SLC35F2: variants seen among roughly 807,000 people sequenced by gnomAD.
SLC35F2 encodes solute carrier family 35 member F2.
A neutral mutation model predicts 38.1 loss-of-function variants in SLC35F2; 25 were observed. The ratio of observed to expected loss-of-function variants is 0.66; its 90% CI spans 0.48 to 0.92. SLC35F2 has a LOEUF of 0.92. Ranked by LOEUF, SLC35F2 falls within the 40% of genes least tolerant of loss-of-function variation. The pLI is 0.00. For synonymous variants in SLC35F2, 173 were observed against 181.7 expected (o/e 0.95, Z 0.38); for missense variants, 409 against 452.9 (o/e 0.90, Z 0.88).
chr11:107,797,519 C>A (rs971892720), intron 7 of SLC35F2, among the ~76,000 whole-genome samples: 11 of 151,684 alleles, frequency 7.3e-5, no homozygotes, highest in African/African-American at 2.7e-4. Context: ...GAGACCCTAT[C>A]GCTAAAAAGA....
chr11:107,844,097 G>C (rs1458768147), intron 1 of SLC35F2, among the ~76,000 whole-genome samples: 1 of 151,730 alleles, frequency 6.6e-6, no homozygotes, highest in Non-Finnish European at 1.5e-5. Context: ...ACAGGCCTAG[G>C]GATAGACTGC....
chr11:107,803,605 ACAT>A (rs1859348782), intron 6 of SLC35F2: 3 of 626,504 alleles, frequency 4.8e-6, no homozygotes, highest in Non-Finnish European at 6.0e-6. Context: ...ATCTTTAAAG[ACAT>A]CAAAGACAGT....
intron 3 of SLC35F2, among the ~76,000 whole-genome samples, chr11:107,807,859 G>A (rs1242902315): frequency 1.3e-5 from 2 of 152,156 alleles, no homozygotes; most frequent in Non-Finnish European, 2.9e-5. Flanking sequence ...ACAGGCGTGA[G>A]CCACCACGCC....
At chr11:107,824,075 T>G in intron 1 of SLC35F2, 1 of 854,836 alleles carries the variant, frequency 1.2e-6, no homozygotes. Context: ...CATCTAATTC[T>G]AGTAAGCATG....
intron 1 of SLC35F2, among the ~76,000 whole-genome samples, chr11:107,817,715 AG>A (rs1859598198): frequency 6.6e-6 from 1 of 152,092 alleles, no homozygotes; most frequent in African/African-American, 2.4e-5. Flanking sequence ...CACACAACAA[AG>A]TATGTATAAT....
Position 107,792,302 on chromosome 11 carries a change from C to T in SLC35F2, c.*313G>A, listed in dbSNP as rs1336053628. On this transcript the variant is annotated 3_prime_UTR_variant, in exon 8 of 8. Coordinates refer to ENST00000525815, the MANE Select transcript of SLC35F2 (RefSeq NM_017515.5). Reference sequence around the variant, plus strand: ...CGCCCTGGCCTGAGGCTGGCTCAGTCCTGGATCTCTCCCCAGTCCTGCTTT... The same window carrying T: ...CGCCCTGGCCTGAGGCTGGCTCAGTTCTGGATCTCTCCCCAGTCCTGCTTT... 4.4e-6 allele frequency: 1 copy of T among 226,108 alleles called. No homozygotes were observed. Among genetic ancestry groups the T allele is most frequent in the Non-Finnish European group, 8.5e-6 (1 of 117,592 alleles). 14.0% of individuals were successfully genotyped at this position (226,108 alleles called of 1,614,324 possible).
At position 107,805,512 on chromosome 11, in the gene SLC35F2, C is replaced by A; in HGVS notation, c.578G>T (p.Ser193Ile). The A allele has an allele frequency of 6.2e-7, 1 of 1,611,660 alleles. No homozygotes were observed. Among genetic ancestry groups the A allele is most frequent in the Non-Finnish European group, 8.5e-7 (1 of 1,179,286 alleles). Residue 193 changes from serine (S) to isoleucine (I), a missense_variant, in exon 5 of 8, where the codon AGT becomes ATT. By Grantham distance (142) the Ser-to-Ile change is moderately radical. Transcript: ENST00000525815. ...ILAGREDNSG[S>I]DVLIGDILVL... ...CAAGATGTCACCAATCAATACATCA[C>A]TCCCTGCAGGAAGACAAGCCACAGA...
chr11:107,852,744 C>T (rs1355759363), intron 1 of SLC35F2, among the ~76,000 whole-genome samples: 5 of 150,664 alleles, frequency 3.3e-5, no homozygotes, highest in Admixed American at 1.3e-4. Context: ...TGGTGGCATG[C>T]GCCTGTAATC....
chr11:107,856,198 T>C (rs1048353419), intron 1 of SLC35F2, among the ~76,000 whole-genome samples: 8 of 151,818 alleles, frequency 5.3e-5, no homozygotes, highest in Non-Finnish European at 7.4e-5. Context: ...TGCCATATCA[T>C]CTGCCCCAGC....
At position 107,823,132 on chromosome 11, in the gene SLC35F2, G is replaced by C. The variant is rs1270051253; in HGVS notation, c.111-7167C>G. ...GCTTTAAAAATAACACTGACAACAA[G>C]ACCCCAGCCCAAACCAGTTGGATCA... is the stretch of plus-strand genomic sequence containing the variant. On this transcript the variant is annotated intron_variant, in intron 1 of 7. Transcript: ENST00000525815. 3.0e-6 allele frequency: 3 copies of C among 984,914 alleles called. No homozygotes were observed. The East Asian group carries it at 3.4e-4, about 112-fold the overall frequency. 61.0% of individuals were successfully genotyped at this position (984,914 alleles called of 1,614,324 possible). A position where few individuals can be genotyped will look rare whatever the true frequency, so the allele number is the denominator to read the frequency against.
At chr11:107,797,157 T>G (rs577824367) in intron 7 of SLC35F2, among the ~76,000 whole-genome samples, 1 of 152,112 alleles carries the variant, frequency 6.6e-6, no homozygotes, top group Non-Finnish European at 1.5e-5. Flanking sequence ...CCCATAAATA[T>G]GTATAAATAT....
At chr11:107,848,912 T>C (rs2134857412) in intron 1 of SLC35F2, among the ~76,000 whole-genome samples, 1 of 152,342 alleles carries the variant, frequency 6.6e-6, no homozygotes, top group Middle Eastern at 3.4e-3. Flanking sequence ...CAAAAGGTTT[T>C]CAGCCTGAGC....
chr11:107,810,992 TG>T (rs1299302740), intron 3 of SLC35F2: 28 of 984,436 alleles, frequency 2.8e-5, no homozygotes, highest in Non-Finnish European at 3.3e-5. Flanking sequence ...AAACAAACTG[TG>T]ACATCTAAAC....
At chr11:107,831,929 G>A (rs557571285) in intron 1 of SLC35F2, among the ~76,000 whole-genome samples, 9 of 152,208 alleles carry the variant, frequency 5.9e-5, no homozygotes, top group Admixed American at 5.2e-4. Context: ...CAAAACCACA[G>A]TCTCACTATT....
In SLC35F2 at chr11:107,815,932, C is replaced by T; in HGVS notation, c.144G>A (p.Met48Ile). Residue 48 changes from methionine to isoleucine, a missense_variant, in exon 2 of 8, where the codon ATG becomes ATA. Transcript: ENST00000525815. Reference sequence around the variant, plus strand: ...CTGTCCCACATATACACAAGGACAACATCTGACCCAGGGCAATTGTTTTCA... The same window carrying T: ...CTGTCCCACATATACACAAGGACAATATCTGACCCAGGGCAATTGTTTTCA... ...NILKTIALGQ[M>I]LSLCICGTAI... 6.2e-7 allele frequency: 1 copy of T among 1,608,390 alleles called. No homozygotes were observed. The highest frequency in any genetic ancestry group is 1.1e-5 in the South Asian group (1 of 90,366).
chr11:107,810,647 A>G, intron 3 of SLC35F2: 1 of 985,316 alleles, frequency 1.0e-6, no homozygotes, highest in Non-Finnish European at 1.2e-6. Context: ...ATCATTTCCT[A>G]TCTCAGCTTT....
rs1374876223 is a variant in SLC35F2, at chr11:107,843,861, AAAAAAAAATATATATATATATAT to A, written c.110+14774_110+14796del. ...CTCTGTATCTTAAAAAAAAAAAAAA[AAAAAAAAATATATATATATATAT>A]ATATATATATATATATATATATATG... is the stretch of plus-strand genomic sequence containing the variant. On this transcript the variant is annotated intron_variant, in intron 1 of 7. Transcript: ENST00000525815. Among the ~76,000 whole-genome samples the A allele has an allele frequency of 3.9e-4, 15 of 38,274 alleles. 1 individual carries two copies. In the East Asian group the frequency reaches 6.5e-3, roughly 17 times the overall value. 25.1% of individuals were successfully genotyped at this position (38,274 alleles called of 152,430 possible).
chr11:107,792,899 TTTTTA>T, intron 7 of SLC35F2, 99 bp from the exon 8 acceptor site: 1 of 1,353,556 alleles, frequency 7.4e-7, no homozygotes, highest in Non-Finnish European at 9.4e-7. Flanking sequence ...TCTCATAATC[TTTTTA>T]TTTTCTTTCT....
chr11:107,804,856 A>AGTAT, intron 5 of SLC35F2, 86 bp from the exon 6 acceptor site: 1 of 1,221,932 alleles, frequency 8.2e-7, no homozygotes, highest in Non-Finnish European at 1.2e-6. Context: ...ACTTCAGCTA[A>AGTAT]AGTGAGGAAT....
Sources: gnomAD v4.1 joint callset for allele counts (sites outside exome capture counted in the v4.1 genomes callset) on GRCh38, gnomAD v4.1.1 for gene constraint, MANE v1.5 for transcripts, NCBI Gene and HGNC (gene_info 2026-07-23, HGNC 2026-07-21) for gene names.